TNFRSF11A: variants seen among roughly 807,000 people sequenced by gnomAD.
TNFRSF11A encodes tumor necrosis factor receptor superfamily member 11A.
In TNFRSF11A, 32 loss-of-function variants were observed where a neutral mutation model predicts 55.7. That is an observed-to-expected ratio of 0.57 (90% confidence interval 0.43 to 0.77). The LOEUF is 0.77. TNFRSF11A is among the 30% of genes least tolerant of loss of function. The pLI is 0.00. For synonymous variants in TNFRSF11A, 311 were observed against 331.0 expected (o/e 0.94, Z 0.65); for missense variants, 753 against 809.8 (o/e 0.93, Z 0.85).
chr18:62,332,115 GT>G, intron 1 of TNFRSF11A, among the ~76,000 whole-genome samples: 1 of 152,150 alleles, frequency 6.6e-6, no homozygotes, highest in Non-Finnish European at 1.5e-5. Flanking sequence ...TTAGCTCTTG[GT>G]GAATGTGATG....
intron 1 of TNFRSF11A, among the ~76,000 whole-genome samples, chr18:62,341,385 A>T (rs192147455): frequency 6.6e-6 from 1 of 152,326 alleles, no homozygotes; most frequent in African/African-American, 2.4e-5. Context: ...GGTTTGTCAT[A>T]ATCAGGTTAA....
At chr18:62,375,841 T>TA (rs1222894470) in intron 9 of TNFRSF11A, among the ~76,000 whole-genome samples, 3 of 151,928 alleles carry the variant, frequency 2.0e-5, no homozygotes, top group East Asian at 3.9e-4. Context: ...TACAAAAATT[T>TA]AAAAAAAATT....
chr18:62,380,727 C>T (rs7234346), intron 9 of TNFRSF11A, among the ~76,000 whole-genome samples: 27,569 of 152,012 alleles, frequency 0.18, 3,391 homozygotes, highest in Non-Finnish European at 0.28. Flanking sequence ...TGAGCCACTG[C>T]GCCCAGCCAA....
At chr18:62,358,613 T>A (rs1438321772) in intron 5 of TNFRSF11A, among the ~76,000 whole-genome samples, 1 of 152,356 alleles carries the variant, frequency 6.6e-6, no homozygotes, top group South Asian at 2.1e-4. Context: ...CTTGTTTGGT[T>A]GAAAATGATT....
At position 62,361,730 on chromosome 18, in the gene TNFRSF11A, G is replaced by T; in HGVS notation, c.667G>T (p.Val223Leu). ...GLIILLLFAS[V>L]ALVAAIIFGV... is the part of the protein sequence containing the mutation. ...AATAATTCTGCTTCTCTTCGCGTCT[G>T]TGGCCCTGGTGGCTGCCATCATCTT... The change falls in exon 7 of 10, where the codon GTG (valine) becomes TTG (leucine). Residue 223 changes from valine (V) to leucine (L), a missense_variant. Around this residue, in one of 3 missense-constraint regions of TNFRSF11A, gnomAD observed 567 missense variants for 596.7 expected, o/e 0.95. Coordinates refer to ENST00000586569, the MANE Select transcript of TNFRSF11A (RefSeq NM_003839.4). 1 of 1,614,118 alleles carries T rather than the reference G, an allele frequency of 6.2e-7. No individual in the cohort carries two copies. The highest frequency in any genetic ancestry group is 8.5e-7 in the Non-Finnish European group (1 of 1,180,024).
intron 4 of TNFRSF11A, among the ~76,000 whole-genome samples, chr18:62,356,277 A>G (rs929889146): frequency 2.5e-4 from 38 of 152,348 alleles, no homozygotes; most frequent in African/African-American, 7.5e-4. Context: ...TCCATCACAG[A>G]GTCTAACTGA....
In TNFRSF11A at chr18:62,372,665, C is replaced by T. The variant is rs537056757; in HGVS notation, c.1567+3181C>T. On this transcript the variant is annotated intron_variant, in intron 9 of 9. Transcript: ENST00000586569. The stretch of plus-strand genomic sequence containing the variant: ...AATCCTTGTTTCTCTCCCTCTCTCC[C>T]CTGCCTAGTTAGAAGTGCCCAGTGT... 5.3e-5 allele frequency among the ~76,000 whole-genome samples: 8 copies of T among 152,230 alleles called. No homozygotes were observed. The South Asian group carries it at 1.7e-3, about 32-fold the overall frequency.
intron 9 of TNFRSF11A, among the ~76,000 whole-genome samples, chr18:62,384,429 C>T (rs1911525115): frequency 7.2e-6 from 1 of 139,290 alleles, no homozygotes; most frequent in Non-Finnish European, 1.5e-5. Flanking sequence ...TCCTCTTCCT[C>T]CACCCTTTCT....
chr18:62,345,929 GGT>G (rs1186403348), intron 1 of TNFRSF11A, among the ~76,000 whole-genome samples: 1 of 152,162 alleles, frequency 6.6e-6, no homozygotes, highest in Non-Finnish European at 1.5e-5. Context: ...AGGATAGGTG[GGT>G]TGAATGAATC....
Position 62,375,823 on chromosome 18 carries a change from C to G in TNFRSF11A, c.1567+6339C>G, listed in dbSNP as rs113735166. ...CAGGACCAGCCTGGGCAACATAGAC[C>G]TCTTCTCTACAAAAATTTAAAAAAA... On this transcript the variant is annotated intron_variant, in intron 9 of 9. Transcript: ENST00000586569. Among the ~76,000 whole-genome samples, 816 of 152,152 alleles carry G rather than the reference C, an allele frequency of 5.4e-3. 9 individuals carry two copies. Among genetic ancestry groups the G allele is most frequent in the African/African-American group, 0.019 (793 of 41,508 alleles).
chr18:62,386,955 T>C lies in TNFRSF11A; in HGVS notation c.*1921T>C, dbSNP rs1275768546. On this transcript the variant is annotated 3_prime_UTR_variant, in exon 10 of 10. Coordinates refer to ENST00000586569, the MANE Select transcript of TNFRSF11A (RefSeq NM_003839.4). ...CCATTATACCTTTTGATATGGAATA[T>C]ATTACAGAGTTACAGTTCACAAAGT... The C allele has an allele frequency of 6.6e-6, 1 of 152,200 alleles. No homozygotes were observed. The highest frequency in any genetic ancestry group is 1.5e-5 in the Non-Finnish European group (1 of 68,040). 9.4% of individuals were successfully genotyped at this position (152,200 alleles called of 1,614,324 possible). A position where few individuals can be genotyped will look rare whatever the true frequency, so the allele number is the denominator to read the frequency against.
chr18:62,384,529 C>G (rs1911541596), intron 9 of TNFRSF11A, among the ~76,000 whole-genome samples: 1 of 148,924 alleles, frequency 6.7e-6, no homozygotes, highest in Non-Finnish European at 1.5e-5. Flanking sequence ...CTCCCCGCCT[C>G]TTCTCTTTAC....
Position 62,388,806 on chromosome 18 carries a change from A to G in TNFRSF11A, c.*3772A>G, listed in dbSNP as rs1243170172. The G allele has an allele frequency of 6.6e-6, 1 of 152,256 alleles. No individual in the cohort carries two copies. Among genetic ancestry groups the G allele is most frequent in the East Asian group, 1.9e-4 (1 of 5,200 alleles). The allele number at this position is 152,256 out of a possible 1,614,324, so 9.4% of individuals were successfully genotyped here. ...AAACTGAAAAGTCACAACTTCTAAA[A>G]TCAAGAAAACTGGTGAGATACCTTG... is the stretch of plus-strand genomic sequence containing the variant. On this transcript the variant is annotated 3_prime_UTR_variant, in exon 10 of 10. Coordinates refer to ENST00000586569, the MANE Select transcript of TNFRSF11A (RefSeq NM_003839.4).
intron 8 of TNFRSF11A, among the ~76,000 whole-genome samples, chr18:62,367,788 CTTTT>C (rs67721371): frequency 1.3e-5 from 1 of 78,668 alleles, no homozygotes; most frequent in Non-Finnish European, 2.3e-5. Context: ...TCTTCTTCTT[CTTTT>C]TTTTTTTTTT....
At position 62,390,696 on chromosome 18, in the gene TNFRSF11A, C is replaced by T. The variant is rs367877944; in HGVS notation, c.*5662C>T. The stretch of plus-strand genomic sequence containing the variant: ...CTCCATTTAAGCAGCAGCAGTAAAA[C>T]ATCTTACCCTAAAATGAAGAAGCAA... On this transcript the variant is annotated 3_prime_UTR_variant, in exon 10 of 10. Transcript: ENST00000586569. 2.0e-5 allele frequency: 3 copies of T among 152,198 alleles called. No individual in the cohort carries two copies. The highest frequency in any genetic ancestry group is 7.2e-5 in the African/African-American group (3 of 41,454). 9.4% of individuals were successfully genotyped at this position (152,198 alleles called of 1,614,324 possible).
intron 4 of TNFRSF11A, chr18:62,357,999 A>G (rs376952997): frequency 1.0e-5 from 5 of 501,124 alleles, no homozygotes; most frequent in African/African-American, 9.7e-5. Flanking sequence ...GTGGCCTGAC[A>G]TCAAGTCAGT....
intron 6 of TNFRSF11A, among the ~76,000 whole-genome samples, chr18:62,360,560 C>T (rs979839012): frequency 6.6e-6 from 1 of 152,040 alleles, no homozygotes; most frequent in African/African-American, 2.4e-5. Flanking sequence ...GATTCTCCTG[C>T]CTCAGCCTCC....
chr18:62,344,836 CA>C (rs1381025053), intron 1 of TNFRSF11A, among the ~76,000 whole-genome samples: 5 of 152,044 alleles, frequency 3.3e-5, no homozygotes, highest in African/African-American at 1.2e-4. Flanking sequence ...TTCATGCACA[CA>C]AAAAAATGAC....
rs1040104813 is a variant in TNFRSF11A, at chr18:62,325,749, AGCGCTTGCGCCGG to A, written c.75+326_75+338del. On this transcript the variant is annotated intron_variant, in intron 1 of 9. Transcript: ENST00000586569. This position sits in a 1 kb window ranked among gnomAD's most constrained non-coding sequence, Gnocchi z 4.7. ...CCAAATGCTTCTTGAGCACCTACTA[AGCGCTTGCGCCGG>A]GCGGTGCCGCGGGAGACAGCGCCGT... 3.3e-5 allele frequency among the ~76,000 whole-genome samples: 5 copies of A among 152,178 alleles called. No individual in the cohort carries two copies. Among genetic ancestry groups the A allele is most frequent in the Non-Finnish European group, 4.4e-5 (3 of 68,022 alleles).
Sources: allele counts gnomAD v4.1 joint callset (sites outside exome capture counted in the v4.1 genomes callset), GRCh38; gene constraint gnomAD v4.1.1; regional missense constraint gnomAD v4.1.1; non-coding constraint Gnocchi (gnomAD v3.1); transcripts MANE v1.5; gene names NCBI Gene and HGNC (gene_info 2026-07-23, HGNC 2026-07-21).